TOR1AIP1: variants seen among roughly 807,000 people sequenced by gnomAD.
The protein encoded by TOR1AIP1 is torsin-1A-interacting protein 1.
A neutral mutation model predicts 63.3 loss-of-function variants in TOR1AIP1; 54 were observed. The observed-to-expected ratio is 0.85, with a 90% CI of 0.69 to 1.07. TOR1AIP1 has a LOEUF of 1.07. Among genes scored for constraint, TOR1AIP1 ranks in the 50% least tolerant of loss-of-function variants. The probability of loss-of-function intolerance (pLI) is 0.00; values close to 1 mark genes in which losing one functional copy is unlikely to be tolerated. For synonymous variants in TOR1AIP1, 294 were observed against 273.5 expected (o/e 1.07, Z -0.74); for missense variants, 736 against 715.0 (o/e 1.03, Z -0.33).
chr1:179,909,153 T>G (rs1007625783), intron 8 of TOR1AIP1, among the ~76,000 whole-genome samples: 1 of 151,132 alleles, frequency 6.6e-6, no homozygotes, highest in Non-Finnish European at 1.5e-5. Flanking sequence ...AGAGCGAGAC[T>G]CCATCTGAAA....
At chr1:179,908,181 T>C (rs1648713332) in intron 7 of TOR1AIP1, among the ~76,000 whole-genome samples, 1 of 152,146 alleles carries the variant, frequency 6.6e-6, no homozygotes, top group African/African-American at 2.4e-5. Context: ...GTGCTGGAAT[T>C]ACAGGTGTGA....
chr1:179,917,097 T>C (rs1394453975), intron 9 of TOR1AIP1, among the ~76,000 whole-genome samples: 1 of 152,240 alleles, frequency 6.6e-6, no homozygotes, highest in African/African-American at 2.4e-5. Context: ...AATTGTATTT[T>C]AATAGTCTAT....
intron 9 of TOR1AIP1, among the ~76,000 whole-genome samples, chr1:179,914,783 ACT>A (rs1648941885): frequency 6.7e-6 from 1 of 149,670 alleles, no homozygotes; most frequent in Non-Finnish European, 1.5e-5. Context: ...ACAGAGCGAG[ACT>A]CTGTCTCAAA....
At chr1:179,893,613 G>A (rs1648176520) in intron 3 of TOR1AIP1, among the ~76,000 whole-genome samples, 1 of 151,976 alleles carries the variant, frequency 6.6e-6, no homozygotes, top group Non-Finnish European at 1.5e-5. Flanking sequence ...GCTAATTTTT[G>A]TATTTTTAGC....
rs1189843881 is a variant in TOR1AIP1, at chr1:179,919,767, A to G, written c.*1528A>G. 1.3e-5 allele frequency: 2 copies of G among 152,198 alleles called. No homozygotes were observed. Among genetic ancestry groups the G allele is most frequent in the Non-Finnish European group, 2.9e-5 (2 of 68,022 alleles). 9.4% of individuals were successfully genotyped at this position (152,198 alleles called of 1,614,324 possible). On this transcript the variant is annotated 3_prime_UTR_variant, in exon 10 of 10. Coordinates refer to ENST00000606911, the MANE Select transcript of TOR1AIP1 (RefSeq NM_015602.4). ...CCACAAGTGGTAGTAGAGTGGTTTA[A>G]CGTCTTTCCTCTAGTACTACCAGTA...
Position 179,882,965 on chromosome 1 carries a change from C to T in TOR1AIP1, c.463C>T (p.His155Tyr), listed in dbSNP as rs540366779. Reference sequence around the variant, plus strand: ...GACCAGGAGAGGGCTGCGGGACTCTCATTCCTCTGAAGGTGAGGACCGCGG... The same window carrying T: ...GACCAGGAGAGGGCTGCGGGACTCTTATTCCTCTGAAGGTGAGGACCGCGG... The part of the protein sequence containing the change: ...VMTRRGLRDS[H>Y]SSEEDEASSQ... The change falls in exon 1 of 10, where the codon CAT (histidine) becomes TAT (tyrosine). Residue 155 changes from histidine (H) to tyrosine (Y), a missense_variant. Coordinates refer to ENST00000606911, the MANE Select transcript of TOR1AIP1 (RefSeq NM_015602.4). 2.5e-5 allele frequency: 41 copies of T among 1,611,924 alleles called. No individual in the cohort carries two copies. The East Asian group carries it at 7.8e-4, about 31-fold the overall frequency.
rs1206246224 is a variant in TOR1AIP1, at chr1:179,903,973, C to A, written c.747C>A (p.Thr249=). The A allele has an allele frequency of 1.3e-6, 2 of 1,598,182 alleles. No homozygotes were observed. Among genetic ancestry groups the A allele is most frequent in the Non-Finnish European group, 8.6e-7 (1 of 1,169,082 alleles). The change falls in exon 6 of 10, where the codon ACC becomes ACA. Residue 249 remains threonine, a synonymous_variant. Transcript: ENST00000606911. ...CTGTTTTTTATTTTTTAGATAAAAC[C>A]ACCAGATCATCTAGTCAATATATAG... The part of the protein sequence containing the change: ...SRDSDESGDK[T]TRSSSQYIES...
At chr1:179,913,561 G>A (rs1295578411) in intron 8 of TOR1AIP1, 5 of 702,236 alleles carry the variant, frequency 7.1e-6, no homozygotes, top group Non-Finnish European at 1.3e-5. Flanking sequence ...TCCACATTTT[G>A]TCCTTATTTT....
Position 179,882,970 on chromosome 1 carries a change from C to T in TOR1AIP1, c.468C>T (p.Ser156=). 3.1e-6 allele frequency: 5 copies of T among 1,610,964 alleles called. No homozygotes were observed. The highest frequency in any genetic ancestry group is 3.4e-6 in the Non-Finnish European group (4 of 1,178,902). ...MTRRGLRDSH[S]SEEDEASSQT... Reference sequence around the variant, plus strand: ...GGAGAGGGCTGCGGGACTCTCATTCCTCTGAAGGTGAGGACCGCGGAGGTA... The same window carrying T: ...GGAGAGGGCTGCGGGACTCTCATTCTTCTGAAGGTGAGGACCGCGGAGGTA... The change falls in exon 1 of 10, where the codon TCC becomes TCT. Residue 156 remains serine, a synonymous_variant. Transcript: ENST00000606911.
At chr1:179,885,455 AT>A (rs1476657827) in intron 2 of TOR1AIP1, among the ~76,000 whole-genome samples, 1 of 152,262 alleles carries the variant, frequency 6.6e-6, no homozygotes, top group African/African-American at 2.4e-5. Flanking sequence ...TGATTAAAAT[AT>A]TTTAAAAAGC....
chr1:179,887,160 GA>G (rs1318476406), intron 2 of TOR1AIP1, among the ~76,000 whole-genome samples: 1 of 152,194 alleles, frequency 6.6e-6, no homozygotes, highest in Non-Finnish European at 1.5e-5. Flanking sequence ...AGCACTTTGG[GA>G]GGCCAAGGTG....
At position 179,919,155 on chromosome 1, in the gene TOR1AIP1, T is replaced by G. The variant is rs1478112474; in HGVS notation, c.*916T>G. ...GGTGCATGCCTGAAATCCCAGCTACTTGGGAGGCTGAGGCAGGAGAATTGC... is the reference window on the plus strand; with the variant it reads ...GGTGCATGCCTGAAATCCCAGCTACGTGGGAGGCTGAGGCAGGAGAATTGC... On this transcript the variant is annotated 3_prime_UTR_variant, in exon 10 of 10. Transcript: ENST00000606911. 1 of 152,080 alleles carries G rather than the reference T, an allele frequency of 6.6e-6. No individual in the cohort carries two copies. Among genetic ancestry groups the G allele is most frequent in the East Asian group, 1.9e-4 (1 of 5,200 alleles). 9.4% of individuals were successfully genotyped at this position (152,080 alleles called of 1,614,324 possible).
chr1:179,915,395 T>G (rs1259359774), intron 9 of TOR1AIP1, among the ~76,000 whole-genome samples: 1 of 152,236 alleles, frequency 6.6e-6, no homozygotes, highest in Non-Finnish European at 1.5e-5. Context: ...TTCCAAACAT[T>G]GACACATTAG....
At chr1:179,887,258 G>A (rs1339415216) in intron 2 of TOR1AIP1, among the ~76,000 whole-genome samples, 1 of 152,160 alleles carries the variant, frequency 6.6e-6, no homozygotes, top group Non-Finnish European at 1.5e-5. Flanking sequence ...AACTAGCCAG[G>A]CGTGGTGGTG....
chr1:179,894,095 C>T (rs919768250), intron 3 of TOR1AIP1, among the ~76,000 whole-genome samples: 1 of 151,150 alleles, frequency 6.6e-6, no homozygotes, highest in Admixed American at 6.6e-5. Context: ...ACTAAAAATA[C>T]AAAAAAGTAG....
intron 2 of TOR1AIP1, 51 bp downstream of exon 2, chr1:179,884,820 T>G (rs572374124): frequency 1.4e-5 from 20 of 1,393,658 alleles, no homozygotes; most frequent in Non-Finnish European, 1.7e-5. Context: ...ACTTTTTAAA[T>G]GTTCATTGAA....
Position 179,917,578 on chromosome 1 carries a change from CT to C in TOR1AIP1, c.1092del (p.Val365PhefsTer8), listed in dbSNP as rs1649059969. On this transcript the variant is annotated frameshift_variant, in exon 10 of 10. Transcript: ENST00000606911. LOFTEE classifies it high-confidence loss of function. ...FFSTPEVETT[A>X]VQEFQNQMNQ... ...AGTACTCCTGAGGTAGAAACCACTG[CT>C]GTTCAAGAGTTCCAGAACCAGATGA... 6.2e-7 allele frequency: 1 copy of C among 1,614,158 alleles called. No individual in the cohort carries two copies. Among genetic ancestry groups the C allele is most frequent in the Non-Finnish European group, 8.5e-7 (1 of 1,180,044 alleles).
At chr1:179,912,002 C>CTTTTTTTTTTTT (rs1558046486) in intron 8 of TOR1AIP1, among the ~76,000 whole-genome samples, 1 of 127,988 alleles carries the variant, frequency 7.8e-6, no homozygotes, top group Non-Finnish European at 1.7e-5. Flanking sequence ...TTTCTTTTTT[C>CTTTTTTTTTTTT]TTTTTTTTCT....
chr1:179,892,297 C>A (rs772798511), intron 3 of TOR1AIP1, among the ~76,000 whole-genome samples: 57 of 151,706 alleles, frequency 3.8e-4, no homozygotes, highest in Non-Finnish European at 7.2e-4. Flanking sequence ...CATGGCAAAA[C>A]CCCGTCTCTA....
Sources: allele counts gnomAD v4.1 joint callset (sites outside exome capture counted in the v4.1 genomes callset), GRCh38; gene constraint gnomAD v4.1.1; transcripts MANE v1.5; gene names NCBI Gene and HGNC (gene_info 2026-07-23, HGNC 2026-07-21).